Variants in LPP observed in about 807,000 individuals in gnomAD.
LPP encodes LIM domain containing preferred translocation partner in lipoma.
A neutral mutation model predicts 60.4 loss-of-function variants in LPP; 38 were observed. That is an observed-to-expected ratio of 0.63 (90% CI 0.49 to 0.83). LPP has a LOEUF of 0.83. Ranked by LOEUF, LPP falls within the 40% of genes least tolerant of loss-of-function variation. The pLI is 0.00. For missense variants in LPP, 902 were observed against 783.6 expected (o/e 1.15, Z -1.80); for synonymous variants, 328 against 290.8 (o/e 1.13, Z -1.30).
At chr3:188,421,828 G>A (rs553637697) in intron 4 of LPP, among the ~76,000 whole-genome samples, 42 of 152,174 alleles carry the variant, frequency 2.8e-4, no homozygotes, top group African/African-American at 6.7e-4. Flanking sequence ...AAACATGTCC[G>A]GTAAAATGCT....
intron 3 of LPP, among the ~76,000 whole-genome samples, chr3:188,351,212 A>G (rs1346635019): frequency 2.0e-5 from 3 of 152,212 alleles, no homozygotes; most frequent in Non-Finnish European, 2.9e-5. Context: ...TATGTTCTGC[A>G]ATAGTTTTTC....
chr3:188,319,137 A>G (rs1202722327), intron 2 of LPP, among the ~76,000 whole-genome samples: 1 of 152,206 alleles, frequency 6.6e-6, no homozygotes, highest in Non-Finnish European at 1.5e-5. Flanking sequence ...AGGATTAGAA[A>G]GTTCAGACAC....
intron 9 of LPP, among the ~76,000 whole-genome samples, chr3:188,766,378 C>CAAAAAGAAAAAAAAAAAAAAAAAAA (rs1734134494): frequency 3.2e-5 from 4 of 124,670 alleles, no homozygotes; most frequent in Non-Finnish European, 6.8e-5. Flanking sequence ...CCTTAAAAAG[C>CAAAAAGAAAAAAAAAAAAAAAAAAA]AAAAAAAAAA....
At chr3:188,725,007 G>T (rs573184095) in intron 8 of LPP, among the ~76,000 whole-genome samples, 4 of 152,194 alleles carry the variant, frequency 2.6e-5, no homozygotes, top group African/African-American at 9.6e-5. Context: ...GGCCGTCAGC[G>T]GCAGTGTCAA....
intron 4 of LPP, among the ~76,000 whole-genome samples, chr3:188,424,545 C>G (rs1027499301): frequency 2.0e-5 from 3 of 152,082 alleles, no homozygotes; most frequent in African/African-American, 7.2e-5. Context: ...TTACTTTGGG[C>G]AGTATGGCCA....
intron 3 of LPP, among the ~76,000 whole-genome samples, chr3:188,392,759 C>A (rs965224333): frequency 6.6e-6 from 1 of 152,030 alleles, no homozygotes; most frequent in Non-Finnish European, 1.5e-5. Context: ...TATAAGGCAA[C>A]CTTGATTGAA....
intron 3 of LPP, among the ~76,000 whole-genome samples, chr3:188,362,777 G>A (rs544831018): frequency 7.2e-4 from 110 of 152,280 alleles, no homozygotes; most frequent in African/African-American, 2.5e-3. Context: ...GTTAGAATAC[G>A]TCAGCTTCCA....
At chr3:188,360,195 G>A (rs1016502430) in intron 3 of LPP, among the ~76,000 whole-genome samples, 3 of 152,026 alleles carry the variant, frequency 2.0e-5, no homozygotes, top group Admixed American at 6.5e-5. Context: ...TTTCAAACCC[G>A]GCCTGCATCG....
intron 9 of LPP, among the ~76,000 whole-genome samples, chr3:188,810,665 A>G (rs755487978): frequency 6.6e-6 from 1 of 152,188 alleles, no homozygotes; most frequent in African/African-American, 2.4e-5. Flanking sequence ...CAGTTTCAGT[A>G]TCTACTGGTG....
intron 7 of LPP, among the ~76,000 whole-genome samples, chr3:188,631,525 G>C (rs1847848530): frequency 6.6e-6 from 1 of 152,132 alleles, no homozygotes; most frequent in Admixed American, 6.5e-5. Context: ...TAAAGAGAAA[G>C]TATCTCCATT....
At chr3:188,522,999 T>C (rs1161345302) in intron 5 of LPP, among the ~76,000 whole-genome samples, 16 of 151,624 alleles carry the variant, frequency 1.1e-4, no homozygotes, top group Non-Finnish European at 1.2e-4. Context: ...CCTCCGCCTC[T>C]AGGGCTCAAG....
At chr3:188,176,485 C>T (rs1052199446) in intron 1 of LPP, among the ~76,000 whole-genome samples, 3 of 151,982 alleles carry the variant, frequency 2.0e-5, no homozygotes, top group Non-Finnish European at 2.9e-5. Context: ...TGTCCTGCAA[C>T]AATATTATGT....
intron 1 of LPP, among the ~76,000 whole-genome samples, chr3:188,215,750 C>A (rs1042485647): frequency 6.6e-6 from 1 of 152,142 alleles, no homozygotes; most frequent in Admixed American, 6.6e-5. Flanking sequence ...GTAAGTGGCC[C>A]AAAGTCACAT....
intron 6 of LPP, among the ~76,000 whole-genome samples, chr3:188,550,860 A>T (rs969641444): frequency 1.3e-5 from 2 of 152,164 alleles, no homozygotes; most frequent in Non-Finnish European, 2.9e-5. Context: ...TTTAAACGAT[A>T]TGATATAAAT....
chr3:188,580,039 A>G (rs1835707475), intron 6 of LPP, among the ~76,000 whole-genome samples: 1 of 152,128 alleles, frequency 6.6e-6, no homozygotes, highest in African/African-American at 2.4e-5. Flanking sequence ...ACACACATAT[A>G]TAAAATAAAA....
intron 2 of LPP, among the ~76,000 whole-genome samples, chr3:188,240,534 C>G (rs549390689): frequency 6.6e-6 from 1 of 152,254 alleles, no homozygotes; most frequent in Non-Finnish European, 1.5e-5. Flanking sequence ...GGGAAGGAAA[C>G]TGATGTGCCT....
intron 9 of LPP, among the ~76,000 whole-genome samples, chr3:188,801,035 C>G (rs1747094551): frequency 6.6e-6 from 1 of 152,116 alleles, no homozygotes; most frequent in Admixed American, 6.5e-5. Context: ...GCCTTACCTC[C>G]CCTTCCTCTT....
intron 2 of LPP, among the ~76,000 whole-genome samples, chr3:188,241,097 A>C (rs190370495): frequency 6.6e-6 from 1 of 152,330 alleles, no homozygotes; most frequent in African/African-American, 2.4e-5. Flanking sequence ...GGAAGTGTCA[A>C]TAGAGGGTTA....
At chr3:188,503,010 T>C (rs1454493180) in intron 5 of LPP, among the ~76,000 whole-genome samples, 1 of 152,016 alleles carries the variant, frequency 6.6e-6, no homozygotes, top group Non-Finnish European at 1.5e-5. Flanking sequence ...TATAAAACCA[T>C]TTATATTTAT....
Sources: gnomAD v4.1 joint callset for allele counts (sites outside exome capture counted in the v4.1 genomes callset) on GRCh38, gnomAD v4.1.1 for gene constraint, MANE v1.5 for transcripts, NCBI Gene and HGNC (gene_info 2026-07-23, HGNC 2026-07-21) for gene names.